The following PPP2R2A variants were observed in gnomAD, a reference collection of about 807,000 sequenced individuals.
PPP2R2A encodes serine/threonine-protein phosphatase 2A 55 kDa regulatory subunit B alpha isoform.
A neutral mutation model predicts 53.2 loss-of-function variants in PPP2R2A; 9 were observed. The observed-to-expected ratio is 0.17, with a 90% CI of 0.10 to 0.30. The LOEUF is 0.30. PPP2R2A is among the 10% of genes least tolerant of loss of function. PPP2R2A has a pLI of 1.00. For synonymous variants in PPP2R2A, 169 were observed against 174.2 expected, an observed-to-expected ratio of 0.97 and a Z score of 0.23; for missense variants, 235 against 534.6, an observed-to-expected ratio of 0.44 and a Z score of 5.53.
chr8:26,348,176 A>C (rs889007325), intron 3 of PPP2R2A, among the ~76,000 whole-genome samples: 1 of 152,132 alleles, frequency 6.6e-6, no homozygotes, highest in African/African-American at 2.4e-5. Flanking sequence ...AGGCTTAAAA[A>C]TATTCATTTA....
At chr8:26,334,364 C>CA (rs1186120681) in intron 2 of PPP2R2A, among the ~76,000 whole-genome samples, 1 of 152,146 alleles carries the variant, frequency 6.6e-6, no homozygotes, top group East Asian at 1.9e-4. Context: ...ACAGTGATGT[C>CA]AGTTTTTGCT....
chr8:26,319,267 C>T (rs1401001481), intron 2 of PPP2R2A, among the ~76,000 whole-genome samples: 1 of 152,128 alleles, frequency 6.6e-6, no homozygotes, highest in African/African-American at 2.4e-5. Flanking sequence ...TTGCTATGAA[C>T]ACTGATCTTC....
chr8:26,322,080 A>T (rs570270546), intron 2 of PPP2R2A, among the ~76,000 whole-genome samples: 3 of 152,338 alleles, frequency 2.0e-5, no homozygotes, highest in East Asian at 3.9e-4. Context: ...TTCCTATGAA[A>T]TAGACTTAGT....
At chr8:26,334,761 C>CA (rs1263052060) in intron 2 of PPP2R2A, among the ~76,000 whole-genome samples, 1 of 151,844 alleles carries the variant, frequency 6.6e-6, no homozygotes, top group African/African-American at 2.4e-5. Flanking sequence ...AAACAAAAAA[C>CA]AAAAACAAAA....
intron 3 of PPP2R2A, among the ~76,000 whole-genome samples, chr8:26,344,163 G>T (rs1181712583): frequency 6.6e-6 from 1 of 152,164 alleles, no homozygotes; most frequent in African/African-American, 2.4e-5. Context: ...AGCAGTTTAT[G>T]TGCTAGGACC....
In PPP2R2A at chr8:26,360,954, T is replaced by C. The variant is rs1434225747; in HGVS notation, c.460-20T>C. ...ACTGAGCCTTTTGTAATTTCTGTTT[T>C]TCATGTGTCTTATTGACAGGTGCCA... is the stretch of plus-strand genomic sequence containing the variant. On this transcript the variant is annotated intron_variant, in intron 5 of 9. Coordinates refer to ENST00000380737, the MANE Select transcript of PPP2R2A (RefSeq NM_002717.4). The surrounding 1 kb of genome is among the most constrained non-coding windows in gnomAD (Gnocchi z 4.5). 6.4e-7 allele frequency: 1 copy of C among 1,569,834 alleles called. No individual in the cohort carries two copies. Among genetic ancestry groups the C allele is most frequent in the South Asian group, 1.2e-5 (1 of 82,256 alleles).
intron 3 of PPP2R2A, among the ~76,000 whole-genome samples, chr8:26,352,924 T>C (rs1000598129): frequency 1.3e-5 from 2 of 152,242 alleles, no homozygotes; most frequent in African/African-American, 4.8e-5. Context: ...GTGGGGATTC[T>C]GTCTATCCCT....
intron 2 of PPP2R2A, among the ~76,000 whole-genome samples, chr8:26,308,771 T>G (rs1381805154): frequency 6.6e-6 from 1 of 152,222 alleles, no homozygotes; most frequent in Non-Finnish European, 1.5e-5. Context: ...GCATCTAGAA[T>G]GTTGAATTCT....
chr8:26,320,529 T>A (rs973577344), intron 2 of PPP2R2A, among the ~76,000 whole-genome samples: 1 of 152,198 alleles, frequency 6.6e-6, no homozygotes. Context: ...TCTTTAAGTA[T>A]TATGTATATT....
intron 2 of PPP2R2A, among the ~76,000 whole-genome samples, chr8:26,300,647 A>G (rs1481763279): frequency 1.3e-5 from 2 of 152,202 alleles, no homozygotes; most frequent in Admixed American, 6.5e-5. Context: ...CGAGGTCAGG[A>G]GTTTGAGACC....
rs1197625463 is a variant in PPP2R2A at position 26,354,961 on chromosome 8, TCAG to T, written c.346+334_346+336del. ...TTACTAACACTGAATTGAATTTTCCTCAGCAGCAAACTAGAGATAGCAATTTTT... is the reference window on the plus strand; with the variant it reads ...TTACTAACACTGAATTGAATTTTCCTCAGCAAACTAGAGATAGCAATTTTT... On this transcript the variant is annotated intron_variant, in intron 4 of 9. Coordinates refer to ENST00000380737, the MANE Select transcript of PPP2R2A (RefSeq NM_002717.4). The surrounding 1 kb of genome is among the most constrained non-coding windows in gnomAD (Gnocchi z 4.6). Among the ~76,000 whole-genome samples the T allele has an allele frequency of 4.6e-5, 7 of 152,334 alleles. No homozygotes were observed. Among genetic ancestry groups the T allele is most frequent in the South Asian group, 2.1e-4 (1 of 4,826 alleles).
rs527955087 is a variant in PPP2R2A, at chr8:26,358,316, C to T, written c.347-1853C>T. ...CAGGGGGCGGGGGTGTTGTCATCCT[C>T]ATCACAAATACTTTGCAAGTATTTA... On this transcript the variant is annotated intron_variant, in intron 4 of 9. Transcript: ENST00000380737. Among the ~76,000 whole-genome samples, 64 of 152,214 alleles carry T rather than the reference C, an allele frequency of 4.2e-4. 1 individual carries two copies. Among genetic ancestry groups the T allele is most frequent in the African/African-American group, 1.5e-3 (61 of 41,556 alleles).
rs1051539152 is a variant in PPP2R2A, at chr8:26,361,230, G to A, written c.637+79G>A. 1.5e-5 allele frequency: 21 copies of A among 1,399,144 alleles called. No homozygotes were observed. The African/African-American group carries it at 2.8e-4, about 19-fold the overall frequency. The allele number at this position is 1,399,144 out of a possible 1,614,324, so 86.7% of individuals were successfully genotyped here. A position where few individuals can be genotyped will look rare whatever the true frequency, so the allele number is the denominator to read the frequency against. On this transcript the variant is annotated intron_variant, in intron 6 of 9. Transcript: ENST00000380737. The stretch of plus-strand genomic sequence containing the variant: ...TTAGATTTATTTCATCTCTCCTAAT[G>A]AATTTGGTTGCTTTTTATAGTCTGT...
chr8:26,324,368 C>T (rs1435940310), intron 2 of PPP2R2A, among the ~76,000 whole-genome samples: 2 of 152,158 alleles, frequency 1.3e-5, no homozygotes, highest in Non-Finnish European at 2.9e-5. Flanking sequence ...AATGTAAGAT[C>T]CATGAGAGCA....
intron 2 of PPP2R2A, among the ~76,000 whole-genome samples, chr8:26,315,814 G>T (rs1425078893): frequency 2.6e-5 from 4 of 152,002 alleles, no homozygotes; most frequent in Non-Finnish European, 4.4e-5. Flanking sequence ...TTAGTTTACC[G>T]TCATTTTAGT....
Position 26,291,538 on chromosome 8 carries a change from T to G in PPP2R2A, c.-282T>G. On this transcript the variant is annotated 5_prime_UTR_variant, in exon 1 of 10. Transcript: ENST00000380737. ...AGCCGGCGCCATTTTGAAAGTGGAGTCGCCTGCCCCTGCCGCTGCCGCCGC... is the reference window on the plus strand; with the variant it reads ...AGCCGGCGCCATTTTGAAAGTGGAGGCGCCTGCCCCTGCCGCTGCCGCCGC... 4.9e-6 allele frequency: 2 copies of G among 405,522 alleles called. No homozygotes were observed. Among genetic ancestry groups the G allele is most frequent in the Non-Finnish European group, 4.4e-6 (1 of 226,646 alleles). The allele number at this position is 405,522 out of a possible 1,614,324, so 25.1% of individuals were successfully genotyped here.
intron 2 of PPP2R2A, among the ~76,000 whole-genome samples, chr8:26,308,347 A>C (rs2117223567): frequency 6.6e-6 from 1 of 152,298 alleles, no homozygotes; most frequent in East Asian, 1.9e-4. Flanking sequence ...TGTAGCATGC[A>C]ATGCTCTTTA....
intron 1 of PPP2R2A, 49 bp downstream of exon 1, chr8:26,291,875 TCCTC>T (rs753338179): frequency 1.3e-6 from 2 of 1,580,480 alleles, no homozygotes; most frequent in Non-Finnish European, 1.7e-6. Flanking sequence ...GCTTCCTTAT[TCCTC>T]CCTCCATCAC....
intron 2 of PPP2R2A, among the ~76,000 whole-genome samples, chr8:26,303,998 ATC>A (rs1045234476): frequency 4.6e-5 from 7 of 152,130 alleles, no homozygotes; most frequent in African/African-American, 1.7e-4. Context: ...TCTTCGAATG[ATC>A]TCTCTTTTTC....
Sources: gnomAD v4.1 joint callset for allele counts (sites outside exome capture counted in the v4.1 genomes callset) on GRCh38, gnomAD v4.1.1 for gene constraint, Gnocchi (gnomAD v3.1) non-coding constraint, MANE v1.5 for transcripts, NCBI Gene and HGNC (gene_info 2026-07-23, HGNC 2026-07-21) for gene names.